TTC39A: variants seen among roughly 807,000 people sequenced by gnomAD.
TTC39A encodes the protein tetratricopeptide repeat protein 39A.
Under a neutral mutation model 82.3 loss-of-function variants are expected in TTC39A, and 46 were observed. The ratio of observed to expected loss-of-function variants is 0.56; its 90% CI spans 0.44 to 0.71. TTC39A has a LOEUF of 0.71. TTC39A is among the 30% of genes least tolerant of loss of function. The pLI is 0.00. For synonymous variants in TTC39A, 254 were observed against 275.2 expected (o/e 0.92, Z 0.76); for missense variants, 543 against 712.9 (o/e 0.76, Z 2.71).
chr1:51,308,615 T>C (rs1319942117), intron 6 of TTC39A, among the ~76,000 whole-genome samples: 1 of 152,238 alleles, frequency 6.6e-6, no homozygotes, highest in Non-Finnish European at 1.5e-5. Flanking sequence ...AGAGCTTTTG[T>C]TGCTGTGGGA....
In TTC39A at chr1:51,307,627, C is replaced by T. The variant is rs188812058; in HGVS notation, c.489-1551G>A. Among the ~76,000 whole-genome samples, 38 of 148,106 alleles carry T rather than the reference C, an allele frequency of 2.6e-4. No individual in the cohort carries two copies. In the East Asian group the frequency reaches 7.2e-3, roughly 28 times the overall value. ...GCGTATGTCTGTGGTCCCAGCCACT[C>T]GGGAGGCTGAGGCAGAAGAATCGCT... On this transcript the variant is annotated intron_variant, in intron 6 of 17. Coordinates refer to ENST00000680483, the MANE Select transcript of TTC39A (RefSeq NM_001297663.2).
intron 1 of TTC39A, among the ~76,000 whole-genome samples, chr1:51,336,646 G>A (rs928458338): frequency 2.0e-5 from 3 of 152,112 alleles, no homozygotes; most frequent in Admixed American, 6.6e-5. Context: ...GATCTGGATG[G>A]ACTCCTGGCC....
At chr1:51,289,902 G>T in intron 16 of TTC39A, 103 bp downstream of exon 16, 1 of 872,848 alleles carries the variant, frequency 1.1e-6, no homozygotes, top group Non-Finnish European at 1.8e-6. Flanking sequence ...GTGAGTGGGG[G>T]TTGGCTAGGG....
rs376533891 is a variant in TTC39A, at chr1:51,309,392, C to T, written c.424-67G>A. 7.5e-6 allele frequency: 12 copies of T among 1,610,694 alleles called. No homozygotes were observed. In the African/African-American group the frequency reaches 1.6e-4, roughly 21 times the overall value. ...AGCTGCAGGCGTGAGAGGGATCATG[C>T]AAGGCTCTGGGCCTGACTGCCCCTC... On this transcript the variant is annotated intron_variant, in intron 5 of 17. Transcript: ENST00000680483.
rs1422291207 is a variant in TTC39A, at chr1:51,330,402, G to A, written c.41+35C>T. The A allele has an allele frequency of 1.0e-6, 1 of 976,922 alleles. No homozygotes were observed. The highest frequency in any genetic ancestry group is 1.2e-6 in the Non-Finnish European group (1 of 825,126). 60.5% of individuals were successfully genotyped at this position (976,922 alleles called of 1,614,324 possible). On this transcript the variant is annotated intron_variant, in intron 1 of 17. Transcript: ENST00000680483. This position sits in a 1 kb window ranked among gnomAD's most constrained non-coding sequence, Gnocchi z 4.5. ...ACCTGCCCGGGCCCCAGCCCGCGCCGCCCGCGCCCCCGGGCCTCCCAGCCG... is the reference window on the plus strand; with the variant it reads ...ACCTGCCCGGGCCCCAGCCCGCGCCACCCGCGCCCCCGGGCCTCCCAGCCG...
rs1239207605 is a variant in TTC39A, at chr1:51,330,551, G to C, written c.-74C>G. The C allele has an allele frequency of 1.0e-6, 1 of 983,382 alleles. No homozygotes were observed. Among genetic ancestry groups the C allele is most frequent in the Admixed American group, 6.3e-5 (1 of 15,924 alleles). The allele number at this position is 983,382 out of a possible 1,614,324, so 60.9% of individuals were successfully genotyped here. On this transcript the variant is annotated 5_prime_UTR_variant, in exon 1 of 18. Transcript: ENST00000680483. This position sits in a 1 kb window ranked among gnomAD's most constrained non-coding sequence, Gnocchi z 4.5. The stretch of plus-strand genomic sequence containing the variant: ...CCAGGTGCTGCCGCCGCAACCCCGA[G>C]CCGGGCGCTGTGCGGTCGCGGACGC...
chr1:51,317,620 C>T (rs1312232229), intron 2 of TTC39A, among the ~76,000 whole-genome samples: 3 of 152,058 alleles, frequency 2.0e-5, no homozygotes, highest in Admixed American at 6.5e-5. Context: ...CCTGGTGGCG[C>T]GCACCTGCAA....
intron 15 of TTC39A, 63 bp downstream of exon 15, chr1:51,290,451 G>T: frequency 6.9e-7 from 1 of 1,453,922 alleles, no homozygotes; most frequent in South Asian, 1.2e-5. Flanking sequence ...TTTTGGCAGA[G>T]GGAAGCTTCA....
chr1:51,336,358 G>T (rs1196435018), intron 1 of TTC39A, among the ~76,000 whole-genome samples: 2 of 152,060 alleles, frequency 1.3e-5, no homozygotes, highest in African/African-American at 2.4e-5. Context: ...CCACTGTGGG[G>T]CAGTTTCCTC....
upstream of TTC39A, among the ~76,000 whole-genome samples, chr1:51,335,580 AAG>A (rs1265487972): frequency 1.3e-5 from 2 of 151,482 alleles, no homozygotes; most frequent in African/African-American, 4.9e-5. Context: ...AAAAAAAAAA[AAG>A]AGCCCTTAAT....
chr1:51,320,409 T>A (rs1328492842), intron 2 of TTC39A, among the ~76,000 whole-genome samples: 1 of 134,742 alleles, frequency 7.4e-6, no homozygotes, highest in East Asian at 2.1e-4. Flanking sequence ...TTTTTCTTTT[T>A]CTTTTTCTTT....
At position 51,326,512 on chromosome 1, in the gene TTC39A, T is replaced by C. The variant is rs563842994; in HGVS notation, c.41+3925A>G. Among the ~76,000 whole-genome samples the C allele has an allele frequency of 4.6e-4, 70 of 152,216 alleles. 1 individual carries two copies. The highest frequency in any genetic ancestry group is 1.6e-3 in the African/African-American group (66 of 41,530). ...ACATCCGCCCCATTTGACTTAATAATAGCATTAACAACCAACCACCCATCG... is the reference window on the plus strand; with the variant it reads ...ACATCCGCCCCATTTGACTTAATAACAGCATTAACAACCAACCACCCATCG... On this transcript the variant is annotated intron_variant, in intron 1 of 17. Coordinates refer to ENST00000680483, the MANE Select transcript of TTC39A (RefSeq NM_001297663.2).
chr1:51,293,813 C>T (rs1428989675), intron 14 of TTC39A, among the ~76,000 whole-genome samples: 1 of 152,176 alleles, frequency 6.6e-6, no homozygotes. Context: ...AGCTGTGTGA[C>T]CTGGGCAAGT....
At chr1:51,325,964 C>A (rs924609631) in intron 1 of TTC39A, 2 of 152,424 alleles carry the variant, frequency 1.3e-5, no homozygotes, top group Non-Finnish European at 2.9e-5. Context: ...CGGTAACCTC[C>A]CCCAGACTGG....
intron 1 of TTC39A, among the ~76,000 whole-genome samples, chr1:51,344,610 C>T (rs1646074636): frequency 6.6e-6 from 1 of 152,246 alleles, no homozygotes; most frequent in Non-Finnish European, 1.5e-5. Flanking sequence ...CCACACTTGG[C>T]TCATGCAGAC....
At chr1:51,326,872 G>A (rs1329225102) in intron 1 of TTC39A, among the ~76,000 whole-genome samples, 1 of 152,216 alleles carries the variant, frequency 6.6e-6, no homozygotes, top group African/African-American at 2.4e-5. Context: ...TCTCCACTGT[G>A]TGTTGGGGAA....
upstream of TTC39A, among the ~76,000 whole-genome samples, chr1:51,332,545 A>C (rs1645926608): frequency 6.6e-6 from 1 of 152,246 alleles, no homozygotes; most frequent in Non-Finnish European, 1.5e-5. Context: ...GGCGTAAGCC[A>C]CCGCGCCCGG....
intron 14 of TTC39A, 71 bp from the exon 15 acceptor site, chr1:51,290,696 T>C (rs1314117892): frequency 7.7e-7 from 1 of 1,304,080 alleles, no homozygotes; most frequent in Admixed American, 2.0e-5. Flanking sequence ...ATCTACAAAA[T>C]GGGCAGTTCA....
intron 2 of TTC39A, among the ~76,000 whole-genome samples, chr1:51,319,552 T>C (rs1003951869): frequency 6.6e-6 from 1 of 152,138 alleles, no homozygotes; most frequent in Non-Finnish European, 1.5e-5. Flanking sequence ...ATCCTAAACC[T>C]TTCTGGAGAA....
Sources: allele counts gnomAD v4.1 joint callset (sites outside exome capture counted in the v4.1 genomes callset), GRCh38; gene constraint gnomAD v4.1.1; non-coding constraint Gnocchi (gnomAD v3.1); transcripts MANE v1.5; gene names NCBI Gene and HGNC (gene_info 2026-07-23, HGNC 2026-07-21).